The following CLEC2D variants were observed in gnomAD, a reference collection of about 807,000 sequenced individuals.
CLEC2D encodes the protein C-type lectin domain family 2 member D.
Under a neutral mutation model 20.0 loss-of-function variants are expected in CLEC2D, and 16 were observed. The observed-to-expected ratio is 0.80, with a 90% CI of 0.54 to 1.22. CLEC2D has a LOEUF of 1.22. Ranked by LOEUF, CLEC2D falls within the 50% of genes most tolerant of loss-of-function variation. The probability of loss-of-function intolerance (pLI) is 0.00; values close to 1 mark genes in which losing one functional copy is unlikely to be tolerated. For synonymous variants in CLEC2D, 77 were observed against 71.1 expected, an observed-to-expected ratio of 1.08 and a Z score of -0.42; for missense variants, 207 against 221.5, an observed-to-expected ratio of 0.93 and a Z score of 0.42.
chr12:9,683,335 G>GTTTTTT (rs1357039664), intron 2 of CLEC2D, among the ~76,000 whole-genome samples: 72 of 11,244 alleles, frequency 6.4e-3, no homozygotes, highest in African/African-American at 0.01. Context: ...TTTTGTGTTT[G>GTTTTTT]TTTTTTTTTT....
chr12:9,693,741 T>C, intron 4 of CLEC2D: 1 of 409,912 alleles, frequency 2.4e-6, no homozygotes, highest in Non-Finnish European at 4.8e-6. Context: ...GAATTAACTT[T>C]TATTTCTTAT....
chr12:9,675,189 TC>T (rs1865497594), intron 1 of CLEC2D, among the ~76,000 whole-genome samples: 2 of 130,238 alleles, frequency 1.5e-5, no homozygotes, highest in Non-Finnish European at 3.2e-5. Flanking sequence ...ATTTGTCTAT[TC>T]CTTTTTTTTT....
At chr12:9,692,357 C>T (rs1865887386) in intron 3 of CLEC2D, among the ~76,000 whole-genome samples, 1 of 152,040 alleles carries the variant, frequency 6.6e-6, no homozygotes, top group African/African-American at 2.4e-5. Context: ...CAAGCCTAGT[C>T]TCAAACTCTT....
In CLEC2D at chr12:9,697,738, CATAGAA is replaced by C. The variant is rs939711173; in HGVS notation, c.*2870_*2875del. 1 of 151,348 alleles carries C rather than the reference CATAGAA, an allele frequency of 6.6e-6. No individual in the cohort carries two copies. Among genetic ancestry groups the C allele is most frequent in the Non-Finnish European group, 1.5e-5 (1 of 67,888 alleles). 9.4% of individuals were successfully genotyped at this position (151,348 alleles called of 1,614,324 possible). A position where few individuals can be genotyped will look rare whatever the true frequency, so the allele number is the denominator to read the frequency against. ...GAAACTTAAAAAAAAAACCCAAATA[CATAGAA>C]ATAGAGTAGAATGGTGGTTACCAGA... On this transcript the variant is annotated 3_prime_UTR_variant, in exon 5 of 5. Coordinates refer to ENST00000290855, the MANE Select transcript of CLEC2D (RefSeq NM_013269.6).
rs1178341681 is a variant in CLEC2D, at chr12:9,697,970, AGATT to A, written c.*3097_*3100del. On this transcript the variant is annotated 3_prime_UTR_variant, in exon 5 of 5. Transcript: ENST00000290855. Reference sequence around the variant, plus strand: ...ATGTGAGATGAAGCTTATGTTAATTAGATTAAGTGTATGTACATAAAAACATCAC... The same window carrying A: ...ATGTGAGATGAAGCTTATGTTAATTAAAGTGTATGTACATAAAAACATCAC... 2.0e-5 allele frequency: 3 copies of A among 152,250 alleles called. No individual in the cohort carries two copies. Among genetic ancestry groups the A allele is most frequent in the African/African-American group, 7.2e-5 (3 of 41,472 alleles). The allele number at this position is 152,250 out of a possible 1,614,324, so 9.4% of individuals were successfully genotyped here. A position where few individuals can be genotyped will look rare whatever the true frequency, so the allele number is the denominator to read the frequency against.
At chr12:9,691,644 C>T (rs550295557) in intron 3 of CLEC2D, among the ~76,000 whole-genome samples, 2 of 152,168 alleles carry the variant, frequency 1.3e-5, no homozygotes, top group South Asian at 2.1e-4. Flanking sequence ...TAAAAACCCG[C>T]TCTTCAACAG....
intron 1 of CLEC2D, among the ~76,000 whole-genome samples, chr12:9,670,170 AG>A (rs1728312415): frequency 6.6e-6 from 1 of 152,232 alleles, no homozygotes; most frequent in South Asian, 2.1e-4. Context: ...AAGAGAGAAA[AG>A]GTAGAAAATA....
At chr12:9,677,707 C>CTTTTTTTTTTTTTTTTTTTTTTTTT (rs36120151) in intron 1 of CLEC2D, among the ~76,000 whole-genome samples, 10 of 122,428 alleles carry the variant, frequency 8.2e-5, no homozygotes, top group Non-Finnish European at 1.0e-4. Flanking sequence ...TTCTTTCTTT[C>CTTTTTTTTTTTTTTTTTTTTTTTTT]TTTTTTTTTT....
chr12:9,681,067 G>C (rs1220436111), intron 2 of CLEC2D, 34 bp downstream of exon 2: 1 of 1,054,886 alleles, frequency 9.5e-7, no homozygotes. Context: ...CATCTAGAGA[G>C]AATTATACTT....
rs1865852300 is a variant in CLEC2D at position 9,691,091 on chromosome 12, A to C, written c.358-1737A>C. On this transcript the variant is annotated intron_variant, in intron 3 of 4. Coordinates refer to ENST00000290855, the MANE Select transcript of CLEC2D (RefSeq NM_013269.6). ...AAGGACTGAAAAAGATATTCCATACAAACAGTAGTAACCAAGATAGTGCCG... is the reference window on the plus strand; with the variant it reads ...AAGGACTGAAAAAGATATTCCATACCAACAGTAGTAACCAAGATAGTGCCG... Among the ~76,000 whole-genome samples, 3 of 152,148 alleles carry C rather than the reference A, an allele frequency of 2.0e-5. No individual in the cohort carries two copies. In the South Asian group the frequency reaches 6.2e-4, roughly 31 times the overall value.
chr12:9,691,442 C>A lies in CLEC2D; in HGVS notation c.358-1386C>A, dbSNP rs768063355. Among the ~76,000 whole-genome samples the A allele has an allele frequency of 1.4e-4, 22 of 152,182 alleles. No homozygotes were observed. In the East Asian group the frequency reaches 3.7e-3, roughly 25 times the overall value. On this transcript the variant is annotated intron_variant, in intron 3 of 4. Transcript: ENST00000290855. ...TAACAGGCATATACAGAAGAATCTA[C>A]CCAACAAGAGCAGAATATTAATTCT... is the stretch of plus-strand genomic sequence containing the variant.
rs770807283 is a variant in CLEC2D at position 9,693,040 on chromosome 12, C to A, written c.461+109C>A. Reference sequence around the variant, plus strand: ...AAAAAATTCTCATTTTAAGGTTAGTCATGAAAGAAGATGGTGCCAACTTGT... The same window carrying A: ...AAAAAATTCTCATTTTAAGGTTAGTAATGAAAGAAGATGGTGCCAACTTGT... On this transcript the variant is annotated intron_variant, in intron 4 of 4. Transcript: ENST00000290855. The A allele has an allele frequency of 5.0e-6, 8 of 1,613,256 alleles. No homozygotes were observed. In the Admixed American group the frequency reaches 1.2e-4, roughly 24 times the overall value.
rs1282561422 is a variant in CLEC2D, at chr12:9,695,842, CT to C, written c.*970del. On this transcript the variant is annotated 3_prime_UTR_variant, in exon 5 of 5. Coordinates refer to ENST00000290855, the MANE Select transcript of CLEC2D (RefSeq NM_013269.6). ...TGGAGGTGGGCAGAAAAAAGTAAAACTTGCTGCTGCTGCTGATGATGATGAT... is the reference window on the plus strand; with the variant it reads ...TGGAGGTGGGCAGAAAAAAGTAAAACTGCTGCTGCTGCTGATGATGATGAT... 2.3e-6 allele frequency: 2 copies of C among 877,474 alleles called. No homozygotes were observed. The highest frequency in any genetic ancestry group is 2.8e-5 in the East Asian group (1 of 36,324). 54.4% of individuals were successfully genotyped at this position (877,474 alleles called of 1,614,324 possible).
intron 2 of CLEC2D, among the ~76,000 whole-genome samples, chr12:9,682,939 T>C (rs1212103081): frequency 1.3e-5 from 2 of 152,360 alleles, no homozygotes; most frequent in East Asian, 3.9e-4. Flanking sequence ...TCCAAAATGG[T>C]TGAACTAATT....
At chr12:9,690,085 A>G (rs952822974) in intron 3 of CLEC2D, among the ~76,000 whole-genome samples, 2 of 152,052 alleles carry the variant, frequency 1.3e-5, no homozygotes, top group Non-Finnish European at 2.9e-5. Context: ...GACAAAATCC[A>G]CAGAGAGAAT....
intron 1 of CLEC2D, among the ~76,000 whole-genome samples, chr12:9,670,505 T>G (rs768933687): frequency 1.3e-4 from 20 of 152,360 alleles, no homozygotes; most frequent in African/African-American, 4.6e-4. Context: ...TCATTGGGTA[T>G]TTTGAGCATT....
chr12:9,674,714 T>G (rs1865488656), intron 1 of CLEC2D, among the ~76,000 whole-genome samples: 3 of 152,338 alleles, frequency 2.0e-5, no homozygotes, highest in Middle Eastern at 6.8e-3. Flanking sequence ...TGATATCTCA[T>G]TATTTTAACT....
chr12:9,693,515 G>A (rs1220202044), intron 4 of CLEC2D: 1 of 174,738 alleles, frequency 5.7e-6, no homozygotes, highest in East Asian at 1.7e-4. Context: ...GTTTTGAAAA[G>A]CTACTTTATT....
At chr12:9,674,528 T>G (rs1366264191) in intron 1 of CLEC2D, among the ~76,000 whole-genome samples, 9 of 152,250 alleles carry the variant, frequency 5.9e-5, no homozygotes, top group Non-Finnish European at 8.8e-5. Context: ...CAGAGCTGTT[T>G]CTGTTTGGCC....
Sources: gnomAD v4.1 joint callset for allele counts (sites outside exome capture counted in the v4.1 genomes callset) on GRCh38, gnomAD v4.1.1 for gene constraint, MANE v1.5 for transcripts, NCBI Gene and HGNC (gene_info 2026-07-23, HGNC 2026-07-21) for gene names.